Variants in ACTG2 observed in about 807,000 individuals in gnomAD.
The protein encoded by ACTG2 is actin gamma 2, smooth muscle.
ACTG2 carries 16 observed loss-of-function variants against 37.6 expected under a neutral mutation model. The ratio of observed to expected loss-of-function variants is 0.43; its 90% CI spans 0.29 to 0.65. The LOEUF (loss-of-function observed/expected upper bound fraction) is 0.65. Among genes scored for constraint, ACTG2 ranks in the 30% least tolerant of loss-of-function variants. The pLI, the probability that ACTG2 is intolerant of heterozygous loss-of-function variation, is 0.18. For synonymous variants in ACTG2, 181 were observed against 179.9 expected (o/e 1.01, Z -0.05); for missense variants, 238 against 490.9 (o/e 0.48, Z 4.87).
chr2:73,917,188 A>AAAATAAATAAAT (rs3835742), intron 8 of ACTG2, among the ~76,000 whole-genome samples: 1 of 150,624 alleles, frequency 6.6e-6, no homozygotes, highest in Non-Finnish European at 1.5e-5. Flanking sequence ...CCTGTCTCTA[A>AAAATAAATAAAT]AAATAAATAA....
intron 1 of ACTG2, among the ~76,000 whole-genome samples, chr2:73,899,522 C>G (rs1343963172): frequency 6.6e-6 from 1 of 152,056 alleles, no homozygotes; most frequent in Non-Finnish European, 1.5e-5. Context: ...TTGAGATCTT[C>G]TTGGACTTTT....
At chr2:73,893,190 A>C (rs1476815583) in intron 1 of ACTG2, 139 bp downstream of exon 1, 1 of 152,210 alleles carries the variant, frequency 6.6e-6, no homozygotes, top group Non-Finnish European at 1.5e-5. Flanking sequence ...GGGCAGCGGC[A>C]CCTGCAAGCA....
chr2:73,903,958 A>G (rs60101374), intron 3 of ACTG2, among the ~76,000 whole-genome samples: 1 of 104,094 alleles, frequency 9.6e-6, no homozygotes, highest in Non-Finnish European at 2.0e-5. Flanking sequence ...AAAAAAAAAA[A>G]ACAAAAAAAA....
intron 7 of ACTG2, among the ~76,000 whole-genome samples, chr2:73,915,280 G>A (rs1345122620): frequency 6.6e-6 from 1 of 152,022 alleles, no homozygotes; most frequent in African/African-American, 2.4e-5. Flanking sequence ...AGCACTTTGG[G>A]AGGCTGAGGC....
intron 3 of ACTG2, among the ~76,000 whole-genome samples, chr2:73,906,728 T>A (rs1680025516): frequency 6.6e-6 from 1 of 152,154 alleles, no homozygotes; most frequent in South Asian, 2.1e-4. Context: ...TCTGCCTGTC[T>A]CAGCTCCCCA....
chr2:73,914,992 C>A, intron 7 of ACTG2, 121 bp downstream of exon 7: 1 of 860,412 alleles, frequency 1.2e-6, no homozygotes, highest in Non-Finnish European at 1.6e-6. Flanking sequence ...ACGTACCTCA[C>A]ATTTTCCTAG....
intron 1 of ACTG2, among the ~76,000 whole-genome samples, chr2:73,895,034 T>C (rs1679712919): frequency 6.6e-6 from 1 of 151,930 alleles, no homozygotes; most frequent in Admixed American, 6.6e-5. Flanking sequence ...GCCGTGCAGG[T>C]AGAAGTAAGA....
At chr2:73,901,746 C>A in intron 2 of ACTG2, 1 of 365,250 alleles carries the variant, frequency 2.7e-6, no homozygotes, top group Non-Finnish European at 4.7e-6. Flanking sequence ...CTATGTCTGG[C>A]TTACATTTGG....
At chr2:73,914,064 C>CATCT (rs1406915666) in intron 6 of ACTG2, among the ~76,000 whole-genome samples, 1 of 152,166 alleles carries the variant, frequency 6.6e-6, no homozygotes, top group Non-Finnish European at 1.5e-5. Context: ...TAAGATCAAA[C>CATCT]ATCTGAGTCT....
intron 5 of ACTG2, among the ~76,000 whole-genome samples, chr2:73,913,043 C>T (rs1414135615): frequency 6.6e-6 from 1 of 151,804 alleles, no homozygotes. Context: ...GTGGCAGGCA[C>T]CTGTAATCCC....
At position 73,903,044 on chromosome 2, in the gene ACTG2, G is replaced by T. The variant is rs1412724373; in HGVS notation, c.255+556G>T. ...GCTAGACTATGATGATGAGTCTCCAGTGAAAGTTTCTAAGTAGAACTCTCT... is the reference window on the plus strand; with the variant it reads ...GCTAGACTATGATGATGAGTCTCCATTGAAAGTTTCTAAGTAGAACTCTCT... On this transcript the variant is annotated intron_variant, in intron 3 of 8. Coordinates refer to ENST00000345517, the MANE Select transcript of ACTG2 (RefSeq NM_001615.4). 1.1e-5 allele frequency: 3 copies of T among 274,970 alleles called. No homozygotes were observed. In the East Asian group the frequency reaches 2.1e-4, roughly 19 times the overall value. 17.0% of individuals were successfully genotyped at this position (274,970 alleles called of 1,614,324 possible). A position where few individuals can be genotyped will look rare whatever the true frequency, so the allele number is the denominator to read the frequency against.
intron 1 of ACTG2, chr2:73,896,976 T>A (rs1283322002): frequency 6.6e-6 from 1 of 152,286 alleles, no homozygotes; most frequent in Middle Eastern, 3.2e-3. Context: ...CTGGCAGAGA[T>A]GGTCCACGAG....
chr2:73,902,971 T>C, intron 3 of ACTG2: 1 of 543,928 alleles, frequency 1.8e-6, no homozygotes, highest in South Asian at 2.3e-5. Context: ...AACAGCCATC[T>C]CTCTCATTCT....
rs112350835 is a variant in ACTG2 at position 73,909,141 on chromosome 2, T to C, written c.451+2T>C. Reference sequence around the variant, plus strand: ...TCTATGCCTCTGGCCGCACGACAGGTGAGTAATCCTGTAATCCATTCCTTT... The same window carrying C: ...TCTATGCCTCTGGCCGCACGACAGGCGAGTAATCCTGTAATCCATTCCTTT... On this transcript the variant is annotated splice_donor_variant, in intron 5 of 8. Coordinates refer to ENST00000345517, the MANE Select transcript of ACTG2 (RefSeq NM_001615.4). LOFTEE classifies it high-confidence loss of function. The C allele has an allele frequency of 6.2e-7, 1 of 1,609,368 alleles. No homozygotes were observed. The highest frequency in any genetic ancestry group is 2.2e-5 in the East Asian group (1 of 44,848).
At chr2:73,908,970 CTTAATGAGATTACAAACCA>C (rs1680072329) in intron 4 of ACTG2, 66 bp from the exon 5 acceptor site, 3 of 1,407,264 alleles carry the variant, frequency 2.1e-6, no homozygotes, top group Non-Finnish European at 3.0e-6. Context: ...AGTTCCTGCC[CTTAATGAGATTACAAACCA>C]TTCTACAGGC....
chr2:73,918,960 C>T (rs532516897), intron 8 of ACTG2, among the ~76,000 whole-genome samples: 1 of 152,304 alleles, frequency 6.6e-6, no homozygotes, highest in South Asian at 2.1e-4. Flanking sequence ...CGTGCATCTG[C>T]GCATCACCTG....
At chr2:73,901,602 GTGTC>G (rs1679883846) in intron 2 of ACTG2, 165 bp downstream of exon 2, 2 of 851,342 alleles carry the variant, frequency 2.3e-6, no homozygotes, top group African/African-American at 2.5e-5. Context: ...GTGTGTGTGT[GTGTC>G]TGTGCATGCA....
At chr2:73,903,939 C>CAAAAAAAAAAA (rs61362643) in intron 3 of ACTG2, among the ~76,000 whole-genome samples, 177 of 89,946 alleles carry the variant, frequency 2.0e-3, no homozygotes, top group Non-Finnish European at 2.7e-3. Flanking sequence ...GACTCCGTCT[C>CAAAAAAAAAAA]AAAAAAAAAA....
chr2:73,908,889 C>T (rs746570126), intron 4 of ACTG2, 106 bp downstream of exon 4: 18 of 1,226,516 alleles, frequency 1.5e-5, no homozygotes, highest in Non-Finnish European at 2.0e-5. Context: ...TCTCTGAGGA[C>T]CTGCTATGTC....
Sources: allele counts gnomAD v4.1 joint callset (sites outside exome capture counted in the v4.1 genomes callset), GRCh38; gene constraint gnomAD v4.1.1; transcripts MANE v1.5; gene names NCBI Gene and HGNC (gene_info 2026-07-23, HGNC 2026-07-21).